Variants in CTNNBIP1 observed in about 807,000 individuals in gnomAD.
CTNNBIP1 encodes the protein beta-catenin-interacting protein 1.
CTNNBIP1 carries 7 observed loss-of-function variants against 11.8 expected under a neutral mutation model. The ratio of observed to expected loss-of-function variants is 0.60; its 90% CI spans 0.34 to 1.12. The LOEUF is 1.12. Ranked by LOEUF, CTNNBIP1 falls within the 50% of genes most tolerant of loss-of-function variation. The pLI is 0.03. For synonymous variants in CTNNBIP1, 58 were observed against 43.9 expected (o/e 1.32, Z -1.26); for missense variants, 101 against 113.4 (o/e 0.89, Z 0.50).
rs769824444 is a variant in CTNNBIP1, at chr1:9,876,169, C to T, written c.-25+1736G>A. Among the ~76,000 whole-genome samples the T allele has an allele frequency of 2.0e-5, 3 of 152,304 alleles. No individual in the cohort carries two copies. In the East Asian group the frequency reaches 5.8e-4, roughly 29 times the overall value. ...ACTAATTATTCATCCAGTCCTTGAACGTGAGAACCAAAAGTAATGATGGTT... is the reference window on the plus strand; with the variant it reads ...ACTAATTATTCATCCAGTCCTTGAATGTGAGAACCAAAAGTAATGATGGTT... On this transcript the variant is annotated intron_variant, in intron 3 of 5. Coordinates refer to ENST00000377263, the MANE Select transcript of CTNNBIP1 (RefSeq NM_020248.3).
Position 9,871,304 on chromosome 1 carries a change from G to A in CTNNBIP1, c.97-27C>T. On this transcript the variant is annotated intron_variant, in intron 4 of 5. Transcript: ENST00000377263. This position sits in a 1 kb window ranked among gnomAD's most constrained non-coding sequence, Gnocchi z 5.2. ...TGCAGGGTGAGAGAGCTGTGGTGAGGGGCAGCATGCACCTGTTCCCTGAAA... is the reference window on the plus strand; with the variant it reads ...TGCAGGGTGAGAGAGCTGTGGTGAGAGGCAGCATGCACCTGTTCCCTGAAA... The A allele has an allele frequency of 6.6e-7, 1 of 1,518,854 alleles. No individual in the cohort carries two copies. Among genetic ancestry groups the A allele is most frequent in the Non-Finnish European group, 8.9e-7 (1 of 1,118,014 alleles). 94.1% of individuals were successfully genotyped at this position (1,518,854 alleles called of 1,614,324 possible).
At chr1:9,854,176 A>C (rs974098366) in intron 5 of CTNNBIP1, among the ~76,000 whole-genome samples, 1 of 152,168 alleles carries the variant, frequency 6.6e-6, no homozygotes, top group African/African-American at 2.4e-5. Context: ...GGAGTTCGAG[A>C]CCAGCCTGAC....
intron 1 of CTNNBIP1, among the ~76,000 whole-genome samples, chr1:9,887,292 T>A (rs1481644530): frequency 6.6e-6 from 1 of 152,104 alleles, no homozygotes; most frequent in Non-Finnish European, 1.5e-5. Flanking sequence ...TCAGAGAAGG[T>A]AAGTAACCTG....
chr1:9,894,905 A>T lies in CTNNBIP1; in HGVS notation c.-143-11167T>A, dbSNP rs938356942. Among the ~76,000 whole-genome samples, 208 of 102,148 alleles carry T rather than the reference A, an allele frequency of 2.0e-3. 4 individuals carry two copies. Among genetic ancestry groups the T allele is most frequent in the African/African-American group, 7.1e-3 (166 of 23,500 alleles). 67.0% of individuals were successfully genotyped at this position (102,148 alleles called of 152,430 possible). ...ACAAGTGTGACTGCCATGCCTGGCTATTTTTTTTTTTTTTTTTTTTGAGAC... is the reference window on the plus strand; with the variant it reads ...ACAAGTGTGACTGCCATGCCTGGCTTTTTTTTTTTTTTTTTTTTTTGAGAC... On this transcript the variant is annotated intron_variant, in intron 1 of 5. Coordinates refer to ENST00000377263, the MANE Select transcript of CTNNBIP1 (RefSeq NM_020248.3).
Position 9,872,049 on chromosome 1 carries a change from C to G in CTNNBIP1, c.16G>C (p.Ala6Pro), listed in dbSNP as rs761797446. The change falls in exon 4 of 6, where the codon GCT becomes CCT. Residue 6 changes from alanine to proline, a missense_variant. Transcript: ENST00000377263. The surrounding 1 kb of genome is among the most constrained non-coding windows in gnomAD (Gnocchi z 4.0). ...ATCTCCTCCGGACTCTTCCCGGGAG[C>G]TCCCTCGCGGTTCATCCCCCTGCCT... is the stretch of plus-strand genomic sequence containing the variant. MNREG[A>P]PGKSPEEMYI... The G allele has an allele frequency of 2.0e-5, 33 of 1,614,118 alleles. No homozygotes were observed. Among genetic ancestry groups the G allele is most frequent in the Middle Eastern group, 1.7e-4 (1 of 6,060 alleles).
intron 5 of CTNNBIP1, among the ~76,000 whole-genome samples, chr1:9,870,125 C>G (rs1638830457): frequency 1.3e-5 from 2 of 152,230 alleles, no homozygotes; most frequent in African/African-American, 2.4e-5. Flanking sequence ...CCTAAGACAT[C>G]CAGGAGAACA....
At chr1:9,888,584 G>A (rs936626878) in intron 1 of CTNNBIP1, among the ~76,000 whole-genome samples, 1 of 151,984 alleles carries the variant, frequency 6.6e-6, no homozygotes, top group Admixed American at 6.6e-5. Context: ...GTAATGTAAG[G>A]CGATGGGGAG....
intron 1 of CTNNBIP1, among the ~76,000 whole-genome samples, chr1:9,895,730 C>A (rs1440840795): frequency 1.3e-5 from 2 of 151,988 alleles, no homozygotes; most frequent in East Asian, 1.9e-4. Flanking sequence ...AACTCCTGAC[C>A]TCGTGATCCA....
At chr1:9,862,385 T>A (rs1638649960) in intron 5 of CTNNBIP1, among the ~76,000 whole-genome samples, 1 of 152,158 alleles carries the variant, frequency 6.6e-6, no homozygotes, top group South Asian at 2.1e-4. Context: ...GCCTGCCCCA[T>A]CCTGGCATAT....
At chr1:9,858,394 G>A (rs1247581539) in intron 5 of CTNNBIP1, among the ~76,000 whole-genome samples, 1 of 152,108 alleles carries the variant, frequency 6.6e-6, no homozygotes, top group Non-Finnish European at 1.5e-5. Context: ...ACACACGCTG[G>A]TCTCTGACTG....
At position 9,851,080 on chromosome 1, in the gene CTNNBIP1, G is replaced by A. The variant is rs1344992362; in HGVS notation, c.188-304C>T. ...ACGAGGCCCCAGGTGACCTGGAGCA[G>A]GGCTCAGCGCTGCTCACAGCCCTTG... On this transcript the variant is annotated intron_variant, in intron 5 of 5. Transcript: ENST00000377263. This position sits in a 1 kb window ranked among gnomAD's most constrained non-coding sequence, Gnocchi z 4.8. 6.6e-6 allele frequency among the ~76,000 whole-genome samples: 1 copy of A among 152,250 alleles called. No individual in the cohort carries two copies. The highest frequency in any genetic ancestry group is 1.5e-5 in the Non-Finnish European group (1 of 68,040).
At chr1:9,864,902 T>C (rs556120809) in intron 5 of CTNNBIP1, among the ~76,000 whole-genome samples, 1 of 152,374 alleles carries the variant, frequency 6.6e-6, no homozygotes, top group East Asian at 1.9e-4. Context: ...AAGTCATCCC[T>C]GTTCCTCAAG....
At chr1:9,857,652 T>C (rs1006113433) in intron 5 of CTNNBIP1, among the ~76,000 whole-genome samples, 4 of 151,902 alleles carry the variant, frequency 2.6e-5, no homozygotes, top group Non-Finnish European at 5.9e-5. Flanking sequence ...AATACAAACA[T>C]TAGCCAGATG....
intron 5 of CTNNBIP1, among the ~76,000 whole-genome samples, chr1:9,857,590 C>T (rs1397514901): frequency 6.6e-6 from 1 of 151,878 alleles, no homozygotes; most frequent in Non-Finnish European, 1.5e-5. Flanking sequence ...CACCTGAGGT[C>T]AGGAGTTTGA....
intron 5 of CTNNBIP1, among the ~76,000 whole-genome samples, chr1:9,864,036 T>A (rs1018031411): frequency 6.6e-6 from 1 of 152,228 alleles, no homozygotes; most frequent in Non-Finnish European, 1.5e-5. Flanking sequence ...GTTTAGGCTC[T>A]CTGGCAGCAG....
At chr1:9,886,236 G>A (rs968509045) in intron 1 of CTNNBIP1, among the ~76,000 whole-genome samples, 2 of 152,072 alleles carry the variant, frequency 1.3e-5, no homozygotes, top group African/African-American at 2.4e-5. Context: ...GTGCTGCCCC[G>A]AATCACTGGG....
chr1:9,890,468 A>G (rs1283705161), intron 1 of CTNNBIP1, among the ~76,000 whole-genome samples: 4 of 152,190 alleles, frequency 2.6e-5, no homozygotes, highest in Non-Finnish European at 5.9e-5. Flanking sequence ...GGAGCCCTGG[A>G]ACCTGGCCAA....
rs1416491873 is a variant in CTNNBIP1 at position 9,867,488 on chromosome 1, A to G, written c.187+3699T>C. Among the ~76,000 whole-genome samples the G allele has an allele frequency of 1.3e-5, 2 of 152,186 alleles. No homozygotes were observed. The highest frequency in any genetic ancestry group is 1.3e-4 in the Admixed American group (2 of 15,284). On this transcript the variant is annotated intron_variant, in intron 5 of 5. Coordinates refer to ENST00000377263, the MANE Select transcript of CTNNBIP1 (RefSeq NM_020248.3). This position sits in a 1 kb window ranked among gnomAD's most constrained non-coding sequence, Gnocchi z 4.6. The stretch of plus-strand genomic sequence containing the variant: ...ACCCATCCAGCCCTGGAGGGGAAGC[A>G]TGTGCAGGGCTAAAGGTGGCGGCCA...
At chr1:9,891,781 ATTTTTTT>A (rs70998316) in intron 1 of CTNNBIP1, among the ~76,000 whole-genome samples, 52 of 81,450 alleles carry the variant, frequency 6.4e-4, no homozygotes, top group African/African-American at 2.3e-3. Flanking sequence ...ATCTCTTTAA[ATTTTTTT>A]TTTTTTTTTT....
Sources: allele counts gnomAD v4.1 joint callset (sites outside exome capture counted in the v4.1 genomes callset), GRCh38; gene constraint gnomAD v4.1.1; non-coding constraint Gnocchi (gnomAD v3.1); transcripts MANE v1.5; gene names NCBI Gene and HGNC (gene_info 2026-07-23, HGNC 2026-07-21).